The following TCOF1 variants were observed in gnomAD, a reference collection of about 807,000 sequenced individuals.
The protein encoded by TCOF1 is treacle protein.
TCOF1 carries 33 observed loss-of-function variants against 149.0 expected under a neutral mutation model. That is an observed-to-expected ratio of 0.22 (90% CI 0.17 to 0.30). TCOF1 has a LOEUF of 0.30. Among genes scored for constraint, TCOF1 ranks in the 10% least tolerant of loss-of-function variants. The probability of loss-of-function intolerance (pLI) is 1.00; values close to 1 mark genes in which losing one functional copy is unlikely to be tolerated. For synonymous variants in TCOF1, 789 were observed against 738.8 expected, an observed-to-expected ratio of 1.07 and a Z score of -1.10; for missense variants, 1,728 against 1,840.7, an observed-to-expected ratio of 0.94 and a Z score of 1.12.
intron 2 of TCOF1, among the ~76,000 whole-genome samples, chr5:150,361,695 ATC>A (rs1280072515): frequency 6.6e-6 from 1 of 152,220 alleles, no homozygotes; most frequent in Non-Finnish European, 1.5e-5. Flanking sequence ...GTCTGGCTTC[ATC>A]TGGGGGTCCA....
rs115924461 is a variant in TCOF1, at chr5:150,388,893, G to C, written c.3046+805G>C. Among the ~76,000 whole-genome samples, 738 of 152,296 alleles carry C rather than the reference G, an allele frequency of 4.8e-3. 9 individuals are homozygous for C. Among genetic ancestry groups the C allele is most frequent in the African/African-American group, 0.017 (705 of 41,552 alleles). On this transcript the variant is annotated intron_variant, in intron 18 of 26. Transcript: ENST00000643257. ...TTGCAGTGATCTGAGATGTGCCACAGCACTCCAGCCTGGGCGACAGTGAGA... is the reference window on the plus strand; with the variant it reads ...TTGCAGTGATCTGAGATGTGCCACACCACTCCAGCCTGGGCGACAGTGAGA...
rs774602971 is a variant in TCOF1, at chr5:150,368,768, C to T, written c.431C>T (p.Thr144Ile). 10 of 1,614,028 alleles carry T rather than the reference C, an allele frequency of 6.2e-6. No individual in the cohort carries two copies. The highest frequency in any genetic ancestry group is 6.8e-6 in the Non-Finnish European group (8 of 1,180,056). ...KTGNSMPHPATGKTVANLLSG... is the reference protein window; with the variant it reads ...KTGNSMPHPAIGKTVANLLSG... Reference sequence around the variant, plus strand: ...GGGAATTCCATGCCACACCCTGCCACTGGGAAGACGGTGGCCAACCTTCTT... The same window carrying T: ...GGGAATTCCATGCCACACCCTGCCATTGGGAAGACGGTGGCCAACCTTCTT... Residue 144 changes from threonine to isoleucine, a missense_variant, in exon 5 of 27, where the codon ACT becomes ATT. Physicochemically the swap from Thr to Ile is moderately conservative, Grantham distance 89. Coordinates refer to ENST00000643257, the MANE Select transcript of TCOF1 (RefSeq NM_001371623.1).
Position 150,396,652 on chromosome 5 carries a change from G to T in TCOF1, c.4155G>T (p.Thr1385=). The T allele has an allele frequency of 6.2e-7, 1 of 1,609,338 alleles. No homozygotes were observed. Among genetic ancestry groups the T allele is most frequent in the Non-Finnish European group, 8.5e-7 (1 of 1,177,724 alleles). ...CTGTTTCCCCAGAAAAGACCTCCAC[G>T]ACTTCCAAGGGGAAAGCAAAGAGAG... ...EASVSPEKTS[T]TSKGKAKRDK... The change falls in exon 24 of 27, where the codon ACG becomes ACT. Residue 1385 remains threonine (T), a synonymous_variant. Transcript: ENST00000643257.
At chr5:150,366,117 CAAAA>C (rs1189483486) in intron 3 of TCOF1, among the ~76,000 whole-genome samples, 3 of 95,378 alleles carry the variant, frequency 3.1e-5, no homozygotes, top group Admixed American at 1.2e-4. Context: ...AAGACTGTCT[CAAAA>C]AAAAAAAAAA....
At chr5:150,362,138 A>G (rs1050045448) in intron 2 of TCOF1, among the ~76,000 whole-genome samples, 1 of 152,132 alleles carries the variant, frequency 6.6e-6, no homozygotes, top group Non-Finnish European at 1.5e-5. Flanking sequence ...CTCCACATCT[A>G]ACTTGTGTAC....
chr5:150,396,449 A>C lies in TCOF1; in HGVS notation c.3952A>C (p.Lys1318Gln). The C allele has an allele frequency of 6.2e-7, 1 of 1,614,036 alleles. No individual in the cohort carries two copies. ...NEAQVQASVV[K>Q]VLTELLEQER... ...GGCCCAGGTGCAGGCCTCAGTGGTG[A>C]AGGTCCTGACTGAGCTGCTGGAACA... is the stretch of plus-strand genomic sequence containing the variant. The change falls in exon 24 of 27, where the codon AAG (lysine) becomes CAG (glutamine). Residue 1318 changes from lysine (K) to glutamine (Q), a missense_variant. By Grantham distance (53) the Lys-to-Gln change is moderately conservative. Transcript: ENST00000643257.
Position 150,367,852 on chromosome 5 carries a change from C to T in TCOF1, c.313C>T (p.Leu105=). Reference sequence around the variant, plus strand: ...ATGTTTGTTTCTTGCAGCCCCAAGACTAGCATCTACCAACTCCTCAGTCCT... The same window carrying T: ...ATGTTTGTTTCTTGCAGCCCCAAGATTAGCATCTACCAACTCCTCAGTCCT... ...EAETAKATPR[L]ASTNSSVLGA... is the part of the protein sequence containing the mutation. Residue 105 remains leucine (L), a synonymous_variant, in exon 4 of 27, where the codon CTA becomes TTA. Transcript: ENST00000643257. 6.2e-7 allele frequency: 1 copy of T among 1,614,218 alleles called. No individual in the cohort carries two copies. Among genetic ancestry groups the T allele is most frequent in the Non-Finnish European group, 8.5e-7 (1 of 1,180,040 alleles).
chr5:150,366,117 CAA>C (rs1189483486), intron 3 of TCOF1, among the ~76,000 whole-genome samples: 33 of 95,300 alleles, frequency 3.5e-4, no homozygotes, highest in Admixed American at 4.8e-4. Flanking sequence ...AAGACTGTCT[CAA>C]AAAAAAAAAA....
chr5:150,359,755 G>T (rs1759597620), intron 1 of TCOF1, among the ~76,000 whole-genome samples: 1 of 152,232 alleles, frequency 6.6e-6, no homozygotes, highest in African/African-American at 2.4e-5. Context: ...ACACATTCTA[G>T]TAGGAGCAGA....
intron 23 of TCOF1, 39 bp from the exon 24 acceptor site, chr5:150,396,243 A>G (rs556369006): frequency 5.0e-6 from 8 of 1,608,982 alleles, no homozygotes; most frequent in African/African-American, 4.0e-5. Context: ...CTGTCCCCCA[A>G]CTCTCCCAGA....
At chr5:150,373,302 A>G (rs955003334) in intron 7 of TCOF1, among the ~76,000 whole-genome samples, 4 of 152,138 alleles carry the variant, frequency 2.6e-5, no homozygotes, top group African/African-American at 9.7e-5. Flanking sequence ...TGGCCTCCCA[A>G]AGTGCCGTGA....
chr5:150,370,703 G>A (rs1013486115), intron 6 of TCOF1, among the ~76,000 whole-genome samples: 2 of 152,154 alleles, frequency 1.3e-5, no homozygotes, highest in East Asian at 1.9e-4. Flanking sequence ...ACGGTGGCTC[G>A]CACCTGTAAG....
At chr5:150,392,983 C>T in intron 22 of TCOF1, 193 bp downstream of exon 22, 1 of 690,002 alleles carries the variant, frequency 1.4e-6, no homozygotes, top group South Asian at 1.7e-5. Context: ...TCCGTCCCCT[C>T]ATAGAGCCCT....
chr5:150,372,610 G>C lies in TCOF1; in HGVS notation c.870+374G>C, dbSNP rs141396557. On this transcript the variant is annotated intron_variant, in intron 7 of 26. Transcript: ENST00000643257. ...TCCCCATCTGCTGGGAGTGGGCAGG[G>C]CTGCAGCCCCAAGGCCCTGGGTGTA... Among the ~76,000 whole-genome samples, 48 of 152,314 alleles carry C rather than the reference G, an allele frequency of 3.2e-4. 1 individual carries two copies. In the East Asian group the frequency reaches 8.5e-3, roughly 27 times the overall value.
intron 3 of TCOF1, among the ~76,000 whole-genome samples, chr5:150,367,421 G>A (rs1173859761): frequency 6.6e-6 from 1 of 152,222 alleles, no homozygotes; most frequent in African/African-American, 2.4e-5. Context: ...CTTTCTCTGT[G>A]GACCTGAGGC....
intron 23 of TCOF1, chr5:150,393,848 TA>T (rs1433549469): frequency 2.3e-6 from 1 of 427,368 alleles, no homozygotes; most frequent in Non-Finnish European, 4.4e-6. Context: ...ACCCCATCTC[TA>T]AAATTTATTT....
intron 6 of TCOF1, among the ~76,000 whole-genome samples, chr5:150,371,786 G>A (rs1037346228): frequency 1.3e-5 from 2 of 152,152 alleles, no homozygotes; most frequent in African/African-American, 4.8e-5. Context: ...GGTTCCAGTG[G>A]GGCTCTGTCC....
At chr5:150,384,303 C>T (rs1220307018) in intron 17 of TCOF1, 3 of 987,902 alleles carry the variant, frequency 3.0e-6, no homozygotes, top group Non-Finnish European at 3.6e-6. Flanking sequence ...TCCACAACAG[C>T]CCTATGAGGG....
chr5:150,358,471 A>G (rs1235972517), intron 1 of TCOF1, among the ~76,000 whole-genome samples: 1 of 152,002 alleles, frequency 6.6e-6, no homozygotes. Flanking sequence ...TGGAGCTTAC[A>G]CTCTAGTAAG....
Sources: allele counts gnomAD v4.1 joint callset (sites outside exome capture counted in the v4.1 genomes callset), GRCh38; gene constraint gnomAD v4.1.1; transcripts MANE v1.5; gene names NCBI Gene and HGNC (gene_info 2026-07-23, HGNC 2026-07-21).